SSR3: variants seen among roughly 807,000 people sequenced by gnomAD.
SSR3 encodes the protein translocon-associated protein subunit gamma.
SSR3 carries 10 observed loss-of-function variants against 22.1 expected under a neutral mutation model. The observed-to-expected ratio is 0.45, with a 90% CI of 0.28 to 0.77. The LOEUF (loss-of-function observed/expected upper bound fraction) is 0.77. SSR3 is among the 30% of genes least tolerant of loss of function. The pLI, the probability that SSR3 is intolerant of heterozygous loss-of-function variation, is 0.13. For missense variants in SSR3, 181 were observed against 220.5 expected, an observed-to-expected ratio of 0.82 and a Z score of 1.13; for synonymous variants, 104 against 82.5, an observed-to-expected ratio of 1.26 and a Z score of -1.42.
chr3:156,553,835 C>T (rs1016496628), intron 1 of SSR3, 54 bp from the exon 2 acceptor site: 10 of 1,542,950 alleles, frequency 6.5e-6, no homozygotes, highest in Non-Finnish European at 7.9e-6. Context: ...CATTACAACC[C>T]CGCAACAAAA....
At chr3:156,547,053 G>A (rs1050799775) in intron 3 of SSR3, among the ~76,000 whole-genome samples, 4 of 152,092 alleles carry the variant, frequency 2.6e-5, no homozygotes, top group African/African-American at 9.7e-5. Flanking sequence ...CAGTTATCAA[G>A]GTCAATCAAT....
intron 2 of SSR3, among the ~76,000 whole-genome samples, chr3:156,549,312 A>G (rs185851985): frequency 1.3e-5 from 2 of 152,378 alleles, no homozygotes; most frequent in East Asian, 3.9e-4. Context: ...TTTAGTTAAG[A>G]ATCATTTTAA....
At chr3:156,552,171 G>A (rs970170435) in intron 2 of SSR3, among the ~76,000 whole-genome samples, 1 of 152,032 alleles carries the variant, frequency 6.6e-6, no homozygotes, top group Non-Finnish European at 1.5e-5. Flanking sequence ...CGTGGTAGTA[G>A]TGCGTGCCTG....
At position 156,541,637 on chromosome 3, in the gene SSR3, A is replaced by T. The variant is rs1466372914; in HGVS notation, c.*1566T>A. The T allele has an allele frequency of 6.6e-6, 1 of 152,042 alleles. No individual in the cohort carries two copies. Among genetic ancestry groups the T allele is most frequent in the Non-Finnish European group, 1.5e-5 (1 of 67,998 alleles). The allele number at this position is 152,042 out of a possible 1,614,324, so 9.4% of individuals were successfully genotyped here. On this transcript the variant is annotated 3_prime_UTR_variant, in exon 5 of 5. Coordinates refer to ENST00000265044, the MANE Select transcript of SSR3 (RefSeq NM_007107.5). ...CCATGTTGGCCAGGAGTTCAAGAAAAGTTTTTTAAAAATAATAAACCTCTA... is the reference window on the plus strand; with the variant it reads ...CCATGTTGGCCAGGAGTTCAAGAAATGTTTTTTAAAAATAATAAACCTCTA...
rs1719338763 is a variant in SSR3, at chr3:156,539,589, CCAA to C, written c.*3611_*3613del. Among the ~76,000 whole-genome samples, 1 of 152,062 alleles carries C rather than the reference CCAA, an allele frequency of 6.6e-6. No individual in the cohort carries two copies. The highest frequency in any genetic ancestry group is 6.5e-5 in the Admixed American group (1 of 15,272). ...ATGATATATTGAAAATTCATGAAGG[CCAA>C]CGAGAAGTTAGCCTCTATCGCCCTG... On this transcript the variant is annotated 3_prime_UTR_variant, in exon 5 of 5. Transcript: ENST00000265044.
At chr3:156,549,205 G>A (rs1719866236) in intron 2 of SSR3, 3 of 449,368 alleles carry the variant, frequency 6.7e-6, no homozygotes, top group Non-Finnish European at 1.1e-5. Context: ...CCAAGATGTG[G>A]TTTATTAGTG....
At position 156,540,763 on chromosome 3, in the gene SSR3, A is replaced by T. The variant is rs1287942742; in HGVS notation, c.*2440T>A. On this transcript the variant is annotated 3_prime_UTR_variant, in exon 5 of 5. Transcript: ENST00000265044. ...TCACTTTGAATCCCAATTACAGATG[A>T]ATCTTTTATTTCATGGGTGCTGGGT... 1 of 152,200 alleles carries T rather than the reference A, an allele frequency of 6.6e-6. No homozygotes were observed. Among genetic ancestry groups the T allele is most frequent in the Admixed American group, 6.5e-5 (1 of 15,280 alleles). The allele number at this position is 152,200 out of a possible 1,614,324, so 9.4% of individuals were successfully genotyped here.
In SSR3 at chr3:156,553,655, T is replaced by C. The variant is rs369028927; in HGVS notation, c.260A>G (p.Lys87Arg). The C allele has an allele frequency of 5.6e-6, 9 of 1,610,622 alleles. No homozygotes were observed. In the African/African-American group the frequency reaches 1.1e-4, roughly 19 times the overall value. ...ACTTTCACTTGAAAAACATACTTAC[T>C]TGTGCTTGAGAACAAATTTCACATT... ...YKNVKFVLKH[K>R]VAQKREDAVS... The change falls in exon 2 of 5, where the codon AAA becomes AGA. Residue 87 changes from lysine to arginine, a missense_variant and splice_region_variant. Lys to Arg is a conservative substitution (Grantham distance 26, BLOSUM62 2). Transcript: ENST00000265044.
At chr3:156,553,802 G>A (rs1338002095) in intron 1 of SSR3, 21 bp from the exon 2 acceptor site, 2 of 1,581,654 alleles carry the variant, frequency 1.3e-6, no homozygotes, top group East Asian at 2.3e-5. Context: ...ATAAAAGGGG[G>A]AAGGGTACAA....
chr3:156,547,943 C>T (rs1445715412), intron 3 of SSR3, among the ~76,000 whole-genome samples: 1 of 152,184 alleles, frequency 6.6e-6, no homozygotes, highest in Non-Finnish European at 1.5e-5. Flanking sequence ...CCACCTTTTC[C>T]TCCTTTTAAA....
chr3:156,554,324 G>C (rs1019755776), intron 1 of SSR3, among the ~76,000 whole-genome samples: 4 of 152,184 alleles, frequency 2.6e-5, no homozygotes, highest in Non-Finnish European at 4.4e-5. Context: ...AGGAGTTCTG[G>C]AAACTTGAGC....
rs537867786 is a variant in SSR3 at position 156,539,684 on chromosome 3, G to A, written c.*3519C>T. The stretch of plus-strand genomic sequence containing the variant: ...AATTCCTCTGCTTGGGAGTCCCAAG[G>A]AAGTGAAAGAGAATCCCTTAGAGCT... On this transcript the variant is annotated 3_prime_UTR_variant, in exon 5 of 5. Coordinates refer to ENST00000265044, the MANE Select transcript of SSR3 (RefSeq NM_007107.5). Among the ~76,000 whole-genome samples, 34 of 152,188 alleles carry A rather than the reference G, an allele frequency of 2.2e-4. No individual in the cohort carries two copies. Among genetic ancestry groups the A allele is most frequent in the African/African-American group, 7.7e-4 (32 of 41,530 alleles).
At position 156,548,920 on chromosome 3, in the gene SSR3, T is replaced by C. The variant is rs758155693; in HGVS notation, c.344A>G (p.Lys115Arg). The C allele has an allele frequency of 6.2e-6, 10 of 1,613,450 alleles. No individual in the cohort carries two copies. Among genetic ancestry groups the C allele is most frequent in the Non-Finnish European group, 8.5e-6 (10 of 1,179,884 alleles). ...SEADNRKMSR[K>R]EKDERILWKK... ...GGAGTCAAACCTTTCATCTTTCTCC[T>C]TCCGAGACATCTTTCTATTATCAGC... The change falls in exon 3 of 5, where the codon AAG (lysine) becomes AGG (arginine). Residue 115 changes from lysine (K) to arginine (R), a missense_variant. By Grantham distance (26) the Lys-to-Arg change is conservative. Transcript: ENST00000265044.
Position 156,541,790 on chromosome 3 carries a change from G to A in SSR3, c.*1413C>T, listed in dbSNP as rs1025598785. 4 of 152,218 alleles carry A rather than the reference G, an allele frequency of 2.6e-5. No individual in the cohort carries two copies. The East Asian group carries it at 7.7e-4, about 29-fold the overall frequency. The allele number at this position is 152,218 out of a possible 1,614,324, so 9.4% of individuals were successfully genotyped here. A position where few individuals can be genotyped will look rare whatever the true frequency, so the allele number is the denominator to read the frequency against. The stretch of plus-strand genomic sequence containing the variant: ...AGAATTGCAGACTTCTAGAAGCAAT[G>A]ATGAAATATAATTCTCAGTTGCAGA... On this transcript the variant is annotated 3_prime_UTR_variant, in exon 5 of 5. Coordinates refer to ENST00000265044, the MANE Select transcript of SSR3 (RefSeq NM_007107.5).
At chr3:156,551,846 C>G (rs901163397) in intron 2 of SSR3, among the ~76,000 whole-genome samples, 1 of 152,034 alleles carries the variant, frequency 6.6e-6, no homozygotes, top group African/African-American at 2.4e-5. Context: ...GTAAGTTAAT[C>G]CTAAATAGGG....
intron 1 of SSR3, 21 bp from the exon 2 acceptor site, chr3:156,553,802 G>T (rs1338002095): frequency 6.3e-7 from 1 of 1,581,654 alleles, no homozygotes; most frequent in South Asian, 1.2e-5. Flanking sequence ...ATAAAAGGGG[G>T]AAGGGTACAA....
At chr3:156,547,714 T>C (rs1410804544) in intron 3 of SSR3, among the ~76,000 whole-genome samples, 7 of 152,200 alleles carry the variant, frequency 4.6e-5, no homozygotes, top group Non-Finnish European at 8.8e-5. Context: ...ATAGAAGACA[T>C]TGTTCATTAA....
chr3:156,548,787 TACAATTCCAAAATTTACCTCAG>T (rs1284662762), intron 3 of SSR3, 96 bp downstream of exon 3: 1 of 1,327,708 alleles, frequency 7.5e-7, no homozygotes, highest in African/African-American at 1.5e-5. Flanking sequence ...CTACTACTAC[TACAATTCCAAAATTTACCTCAG>T]ACAATTCCAA....
chr3:156,551,679 T>C (rs1031295676), intron 2 of SSR3, among the ~76,000 whole-genome samples: 1 of 152,148 alleles, frequency 6.6e-6, no homozygotes, highest in Non-Finnish European at 1.5e-5. Context: ...AATAAACCCC[T>C]GTTAACTGAG....
Sources: gnomAD v4.1 joint callset for allele counts (sites outside exome capture counted in the v4.1 genomes callset) on GRCh38, gnomAD v4.1.1 for gene constraint, MANE v1.5 for transcripts, NCBI Gene and HGNC (gene_info 2026-07-23, HGNC 2026-07-21) for gene names.